The following PRKN variants were observed in gnomAD, a reference collection of about 807,000 sequenced individuals.
PRKN encodes the protein E3 ubiquitin-protein ligase parkin.
A neutral mutation model predicts 59.5 loss-of-function variants in PRKN; 56 were observed. The ratio of observed to expected loss-of-function variants is 0.94; its 90% CI spans 0.76 to 1.18. The LOEUF (loss-of-function observed/expected upper bound fraction) is 1.18. Ranked by LOEUF, PRKN falls within the 50% of genes most tolerant of loss-of-function variation. The pLI is 0.00. For synonymous variants in PRKN, 250 were observed against 222.1 expected (o/e 1.13, Z -1.12); for missense variants, 657 against 596.4 (o/e 1.10, Z -1.06).
At chr6:162,250,184 TAAG>T (rs1409537387) in intron 3 of PRKN, among the ~76,000 whole-genome samples, 1 of 141,780 alleles carries the variant, frequency 7.1e-6, no homozygotes, top group African/African-American at 2.7e-5. Context: ...TGATTATTTA[TAAG>T]GGGGGGGGCA....
intron 9 of PRKN, among the ~76,000 whole-genome samples, chr6:161,515,049 A>C (rs931732284): frequency 6.6e-6 from 1 of 152,134 alleles, no homozygotes; most frequent in African/African-American, 2.4e-5. Context: ...TACATGTCTT[A>C]TTTCCTTTAA....
At chr6:161,643,300 A>G (rs1028382668) in intron 7 of PRKN, among the ~76,000 whole-genome samples, 3 of 152,176 alleles carry the variant, frequency 2.0e-5, no homozygotes, top group African/African-American at 4.8e-5. Flanking sequence ...AAAACACACA[A>G]TTAAACCGGA....
chr6:162,443,614 A>C, intron 1 of PRKN, 141 bp from the exon 2 acceptor site: 1 of 789,542 alleles, frequency 1.3e-6, no homozygotes, highest in Non-Finnish European at 2.2e-6. Flanking sequence ...TACAACAAAA[A>C]ACTTAATGCT....
At chr6:161,749,281 C>G (rs1191945292) in intron 7 of PRKN, among the ~76,000 whole-genome samples, 1 of 152,160 alleles carries the variant, frequency 6.6e-6, no homozygotes. Flanking sequence ...AGCCACAGAG[C>G]AACGAGCAAA....
chr6:162,058,715 G>A (rs1221016482), intron 4 of PRKN, among the ~76,000 whole-genome samples: 1 of 152,126 alleles, frequency 6.6e-6, no homozygotes, highest in Non-Finnish European at 1.5e-5. Context: ...CACTTTGGGT[G>A]GCTGAGGAGG....
intron 1 of PRKN, among the ~76,000 whole-genome samples, chr6:162,675,032 A>T (rs1779482200): frequency 8.0e-5 from 1 of 12,552 alleles, no homozygotes; most frequent in East Asian, 8.0e-4. Flanking sequence ...ACTTTATTTT[A>T]TTTATTTATT....
chr6:162,696,545 T>G (rs911481878), intron 1 of PRKN, among the ~76,000 whole-genome samples: 1 of 151,156 alleles, frequency 6.6e-6, no homozygotes, highest in Non-Finnish European at 1.5e-5. Flanking sequence ...TCAAATGATT[T>G]GTGTCAGGAA....
intron 6 of PRKN, among the ~76,000 whole-genome samples, chr6:161,967,534 A>G (rs906772743): frequency 1.3e-5 from 2 of 152,206 alleles, no homozygotes; most frequent in African/African-American, 2.4e-5. Context: ...GCATTAGAGC[A>G]CTTGAATTAT....
intron 7 of PRKN, among the ~76,000 whole-genome samples, chr6:161,721,160 C>T (rs978870519): frequency 2.0e-5 from 3 of 152,090 alleles, no homozygotes. Flanking sequence ...TTTAACTAAA[C>T]AGAAAAGTCA....
chr6:162,449,866 A>C (rs1790505908), intron 1 of PRKN, among the ~76,000 whole-genome samples: 1 of 152,174 alleles, frequency 6.6e-6, no homozygotes, highest in Admixed American at 6.5e-5. Context: ...GCCATAGAAG[A>C]GTGAACAAAA....
At chr6:162,704,346 C>G (rs1021879138) in intron 1 of PRKN, among the ~76,000 whole-genome samples, 2 of 152,144 alleles carry the variant, frequency 1.3e-5, no homozygotes, top group Non-Finnish European at 2.9e-5. Flanking sequence ...AGGTACTAAC[C>G]CTGTCACCTC....
chr6:161,631,639 T>G (rs891222861), intron 7 of PRKN, among the ~76,000 whole-genome samples: 1 of 152,186 alleles, frequency 6.6e-6, no homozygotes, highest in African/African-American at 2.4e-5. Flanking sequence ...ATTGGACAGT[T>G]TTCATTCAAT....
intron 9 of PRKN, among the ~76,000 whole-genome samples, chr6:161,455,042 GT>G (rs756139399): frequency 6.2e-4 from 87 of 141,420 alleles, no homozygotes; most frequent in East Asian, 8.1e-4. Flanking sequence ...TTTGACACGT[GT>G]TTTTTTTTTT....
At chr6:161,809,271 G>A (rs1791463828) in intron 6 of PRKN, among the ~76,000 whole-genome samples, 2 of 148,926 alleles carry the variant, frequency 1.3e-5, no homozygotes, top group South Asian at 4.4e-4. Context: ...GGGGAAGGGG[G>A]ATGACTCAGA....
intron 7 of PRKN, among the ~76,000 whole-genome samples, chr6:161,692,880 T>C (rs112869587): frequency 0.021 from 3,088 of 150,050 alleles, 129 homozygotes; most frequent in African/African-American, 0.072. Context: ...CCTGAGAGGC[T>C]GAGGTTGCAG....
At chr6:161,605,647 G>C (rs1782251204) in intron 7 of PRKN, among the ~76,000 whole-genome samples, 1 of 152,040 alleles carries the variant, frequency 6.6e-6, no homozygotes. Flanking sequence ...AAGTAGCTGG[G>C]ATTACAGACA....
chr6:162,523,891 T>C (rs568290413), intron 1 of PRKN, among the ~76,000 whole-genome samples: 1 of 151,866 alleles, frequency 6.6e-6, no homozygotes, highest in Non-Finnish European at 1.5e-5. Flanking sequence ...ATTATGAGGA[T>C]CAAAACTATA....
At chr6:162,230,594 C>T (rs73020786) in intron 3 of PRKN, among the ~76,000 whole-genome samples, 3,635 of 152,318 alleles carry the variant, frequency 0.024, 70 homozygotes, top group Non-Finnish European at 0.04. Context: ...GATCTACTGA[C>T]TTCAATTTCA....
chr6:162,467,772 C>T (rs151147746), intron 1 of PRKN, among the ~76,000 whole-genome samples: 2 of 152,074 alleles, frequency 1.3e-5, no homozygotes, highest in East Asian at 3.9e-4. Context: ...GGCTGCACGG[C>T]CTGGCTCCCA....
Sources: allele counts gnomAD v4.1 joint callset (sites outside exome capture counted in the v4.1 genomes callset), GRCh38; gene constraint gnomAD v4.1.1; transcripts MANE v1.5; gene names NCBI Gene and HGNC (gene_info 2026-07-23, HGNC 2026-07-21).